Variants in PCDH15 observed in about 807,000 individuals in gnomAD.
PCDH15 encodes protocadherin related 15.
In PCDH15, 129 loss-of-function variants were observed where a neutral mutation model predicts 178.5. That is an observed-to-expected ratio of 0.72 (90% CI 0.63 to 0.84). PCDH15 has a LOEUF of 0.84. Ranked by LOEUF, PCDH15 falls within the 40% of genes least tolerant of loss-of-function variation. The pLI, the probability that PCDH15 is intolerant of heterozygous loss-of-function variation, is 0.00. For synonymous variants in PCDH15, 800 were observed against 732.0 expected (o/e 1.09, Z -1.50); for missense variants, 2,230 against 2,099.9 (o/e 1.06, Z -1.21).
chr10:53,966,993 A>G (rs1221321675), intron 21 of PCDH15, among the ~76,000 whole-genome samples: 2 of 152,034 alleles, frequency 1.3e-5, no homozygotes, highest in African/African-American at 2.4e-5. Context: ...AGCTCACACA[A>G]TCTTTCTGCC....
chr10:55,427,274 A>T (rs1838779827), intron 2 of PCDH15, among the ~76,000 whole-genome samples: 1 of 152,112 alleles, frequency 6.6e-6, no homozygotes, highest in Non-Finnish European at 1.5e-5. Context: ...AACCAAAGTA[A>T]CCTAAGGTAC....
At chr10:53,991,722 T>A (rs1347657649) in intron 21 of PCDH15, among the ~76,000 whole-genome samples, 1 of 152,056 alleles carries the variant, frequency 6.6e-6, no homozygotes, top group Non-Finnish European at 1.5e-5. Context: ...GTTAATCTAG[T>A]GGGGACTTGG....
At chr10:55,323,930 C>T (rs1843967577), upstream of PCDH15, among the ~76,000 whole-genome samples, 1 of 152,042 alleles carries the variant, frequency 6.6e-6, no homozygotes, top group Admixed American at 6.6e-5. Context: ...TAATAATGCC[C>T]ATGCATCAAG....
intron 1 of PCDH15, among the ~76,000 whole-genome samples, chr10:54,683,071 C>T (rs1002228641): frequency 2.6e-5 from 4 of 152,022 alleles, no homozygotes; most frequent in African/African-American, 9.7e-5. Flanking sequence ...CTTTGAGGAA[C>T]AAAATTCTGA....
At chr10:54,168,565 C>T (rs1446215993) in intron 13 of PCDH15, among the ~76,000 whole-genome samples, 2 of 152,180 alleles carry the variant, frequency 1.3e-5, no homozygotes, top group Admixed American at 1.3e-4. Flanking sequence ...AGCCCTCCCC[C>T]ACCTGCCCAG....
At chr10:54,587,244 TTTC>T (rs2133879544) in intron 2 of PCDH15, among the ~76,000 whole-genome samples, 1 of 152,286 alleles carries the variant, frequency 6.6e-6, no homozygotes, top group East Asian at 1.9e-4. Flanking sequence ...GTTGTCTCTG[TTTC>T]CCATTGATAA....
At chr10:53,822,264 G>T (rs1474035683) in intron 32 of PCDH15, 1 of 1,613,814 alleles carries the variant, frequency 6.2e-7, no homozygotes, top group Admixed American at 1.7e-5. Context: ...AGAAGGAGGT[G>T]GTGGAGGAAG....
Position 54,028,463 on chromosome 10 carries a change from A to C in PCDH15, c.2221-5266T>G, listed in dbSNP as rs561155309. Among the ~76,000 whole-genome samples, 64 of 152,130 alleles carry C rather than the reference A, an allele frequency of 4.2e-4. 1 individual carries two copies. Among genetic ancestry groups the C allele is most frequent in the African/African-American group, 1.4e-3 (60 of 41,496 alleles). ...GTATATACCCAAAGGACTAGAAATC[A>C]TGCTGCTATAAAGACACATGCACAC... On this transcript the variant is annotated intron_variant, in intron 18 of 37. Coordinates refer to ENST00000644397, the MANE Select transcript of PCDH15 (RefSeq NM_001384140.1).
At chr10:53,830,885 A>G (rs2076975515) in intron 30 of PCDH15, among the ~76,000 whole-genome samples, 1 of 152,226 alleles carries the variant, frequency 6.6e-6, no homozygotes, top group Non-Finnish European at 1.5e-5. Flanking sequence ...GGCAAATTTA[A>G]CAGTTTGGAT....
At chr10:53,925,534 C>T (rs141775106) in intron 25 of PCDH15, among the ~76,000 whole-genome samples, 1,658 of 152,300 alleles carry the variant, frequency 0.011, 36 homozygotes, top group African/African-American at 0.038. Flanking sequence ...CAATTCCAGA[C>T]ACAGTTGGAT....
At chr10:55,467,989 AAAG>A (rs1307671294) in intron 2 of PCDH15, among the ~76,000 whole-genome samples, 1 of 148,430 alleles carries the variant, frequency 6.7e-6, no homozygotes, top group African/African-American at 2.5e-5. Flanking sequence ...AAAAAAAAAA[AAAG>A]AATTAAAACT....
chr10:55,078,149 T>C (rs1407788746), intron 2 of PCDH15, among the ~76,000 whole-genome samples: 1 of 152,204 alleles, frequency 6.6e-6, no homozygotes, highest in Non-Finnish European at 1.5e-5. Context: ...CCCCATTCTC[T>C]CCTGGCCTGT....
chr10:54,765,298 G>T (rs1007294674), intron 1 of PCDH15, among the ~76,000 whole-genome samples: 3 of 151,980 alleles, frequency 2.0e-5, no homozygotes, highest in Non-Finnish European at 4.4e-5. Flanking sequence ...TATCAAAATC[G>T]TAAATGCTGA....
intron 18 of PCDH15, among the ~76,000 whole-genome samples, chr10:54,052,721 T>A (rs538428393): frequency 6.6e-6 from 1 of 152,104 alleles, no homozygotes; most frequent in Non-Finnish European, 1.5e-5. Context: ...TGTGAGGACA[T>A]GAGGTTTGGG....
intron 20 of PCDH15, among the ~76,000 whole-genome samples, chr10:54,012,915 A>T (rs962495374): frequency 1.3e-5 from 2 of 152,162 alleles, no homozygotes; most frequent in African/African-American, 2.4e-5. Context: ...GCTCAAATTC[A>T]CACACATCAA....
intron 2 of PCDH15, chr10:55,506,226 G>A (rs1436302795): frequency 6.6e-6 from 1 of 151,376 alleles, no homozygotes; most frequent in Non-Finnish European, 1.5e-5. Flanking sequence ...GTAGATGGTG[G>A]TACATTCTTT....
At chr10:54,924,472 G>C (rs181928222) in intron 2 of PCDH15, among the ~76,000 whole-genome samples, 2 of 137,486 alleles carry the variant, frequency 1.5e-5, no homozygotes, top group Non-Finnish European at 3.4e-5. Flanking sequence ...TAATGTGATT[G>C]CTGGGTTGAA....
chr10:53,856,778 T>C (rs1353768460), intron 28 of PCDH15, among the ~76,000 whole-genome samples: 1 of 152,152 alleles, frequency 6.6e-6, no homozygotes, highest in African/African-American at 2.4e-5. Context: ...AAATTATTAT[T>C]AAAACACTCT....
intron 8 of PCDH15, among the ~76,000 whole-genome samples, chr10:54,290,141 G>C (rs1283032883): frequency 6.6e-6 from 1 of 152,198 alleles, no homozygotes; most frequent in East Asian, 1.9e-4. Context: ...AGGGCAGCCA[G>C]AGAGAAAGGT....
Sources: gnomAD v4.1 joint callset for allele counts (sites outside exome capture counted in the v4.1 genomes callset) on GRCh38, gnomAD v4.1.1 for gene constraint, MANE v1.5 for transcripts, NCBI Gene and HGNC (gene_info 2026-07-23, HGNC 2026-07-21) for gene names.